JMJD1C: variants seen among roughly 807,000 people sequenced by gnomAD.
JMJD1C encodes jumonji domain containing 1C.
A neutral mutation model predicts 245.3 loss-of-function variants in JMJD1C; 31 were observed. The observed-to-expected ratio is 0.13, with a 90% confidence interval of 0.09 to 0.17. The LOEUF is 0.17. Ranked by LOEUF, JMJD1C falls within the 10% of genes least tolerant of loss-of-function variation. The pLI is 1.00. For synonymous variants in JMJD1C, 1,057 were observed against 1,017.4 expected, an observed-to-expected ratio of 1.04 and a Z score of -0.74; for missense variants, 2,691 against 3,000.2, an observed-to-expected ratio of 0.90 and a Z score of 2.41.
At chr10:63,272,508 C>A (rs1856425802) in intron 2 of JMJD1C, among the ~76,000 whole-genome samples, 1 of 152,198 alleles carries the variant, frequency 6.6e-6, no homozygotes, top group Admixed American at 6.5e-5. Context: ...GCCTCGGCCT[C>A]CCAAAGTTGC....
At chr10:63,448,128 A>G (rs1221488250) in intron 1 of JMJD1C, among the ~76,000 whole-genome samples, 1 of 152,128 alleles carries the variant, frequency 6.6e-6, no homozygotes, top group African/African-American at 2.4e-5. Context: ...TAGTAAAACT[A>G]AACATTTTCC....
intron 1 of JMJD1C, among the ~76,000 whole-genome samples, chr10:63,508,322 G>T (rs1252826342): frequency 1.3e-5 from 2 of 152,118 alleles, no homozygotes; most frequent in African/African-American, 4.8e-5. Flanking sequence ...GGGCTCTATT[G>T]TGTTCCACTG....
At chr10:63,265,726 GAATT>G (rs1855484921) in intron 2 of JMJD1C, among the ~76,000 whole-genome samples, 1 of 152,090 alleles carries the variant, frequency 6.6e-6, no homozygotes. Flanking sequence ...TCGGAAAACA[GAATT>G]AATAATCAAC....
chr10:63,399,319 C>T (rs1410566587), intron 1 of JMJD1C, among the ~76,000 whole-genome samples: 1 of 152,114 alleles, frequency 6.6e-6, no homozygotes, highest in African/African-American at 2.4e-5. Flanking sequence ...TTTCCTGCCC[C>T]AGACCTGAAA....
intron 1 of JMJD1C, among the ~76,000 whole-genome samples, chr10:63,461,705 T>C (rs1488733559): frequency 1.3e-5 from 2 of 152,144 alleles, no homozygotes; most frequent in Non-Finnish European, 2.9e-5. Context: ...TCCTTTTCTC[T>C]ATTGAAAAAA....
chr10:63,414,938 G>GAA (rs11438680), intron 1 of JMJD1C, among the ~76,000 whole-genome samples: 164 of 142,028 alleles, frequency 1.2e-3, no homozygotes, highest in South Asian at 9.7e-3. Context: ...CAACACTAGA[G>GAA]AAAAAAAAAA....
chr10:63,288,625 G>C lies in JMJD1C; in HGVS notation c.334-23861C>G, dbSNP rs189489465. Among the ~76,000 whole-genome samples the C allele has an allele frequency of 1.6e-4, 25 of 152,212 alleles. No individual in the cohort carries two copies. The East Asian group carries it at 3.1e-3, about 19-fold the overall frequency. ...TAAGAATTGGTATATTTCAAGGGCTGAATACAGTGGCTCACACCCGTAATC... is the reference window on the plus strand; with the variant it reads ...TAAGAATTGGTATATTTCAAGGGCTCAATACAGTGGCTCACACCCGTAATC... On this transcript the variant is annotated intron_variant, in intron 2 of 25. Transcript: ENST00000399262.
intron 2 of JMJD1C, chr10:63,268,872 A>G (rs1228820110): frequency 1.0e-6 from 1 of 985,730 alleles, no homozygotes; most frequent in Non-Finnish European, 1.2e-6. Context: ...TAGGAAGAAA[A>G]GCCAAGACCA....
intron 2 of JMJD1C, among the ~76,000 whole-genome samples, chr10:63,295,412 C>T (rs533977922): frequency 6.6e-6 from 1 of 152,126 alleles, no homozygotes; most frequent in East Asian, 1.9e-4. Context: ...ATTTAGAATT[C>T]TGAGGGCAAC....
At chr10:63,376,464 C>T (rs1337912640) in intron 2 of JMJD1C, among the ~76,000 whole-genome samples, 1 of 152,038 alleles carries the variant, frequency 6.6e-6, no homozygotes, top group African/African-American at 2.4e-5. Context: ...GCACGGGCCA[C>T]TGCTAACACA....
In JMJD1C at chr10:63,465,918, A is replaced by C; in HGVS notation, c.-256T>G. On this transcript the variant is annotated 5_prime_UTR_variant, in exon 1 of 26. Transcript: ENST00000399262. ...CACAAGAAAACTGAAACAAAACCCA[A>C]CGCGGCCGTCGAAGACCCCGAGGCA... 6.0e-5 allele frequency: 34 copies of C among 571,010 alleles called. No individual in the cohort carries two copies. The highest frequency in any genetic ancestry group is 1.3e-4 in the East Asian group (4 of 30,098). 35.4% of individuals were successfully genotyped at this position (571,010 alleles called of 1,614,324 possible).
chr10:63,340,256 C>A (rs75446656), intron 2 of JMJD1C, among the ~76,000 whole-genome samples: 4,217 of 152,236 alleles, frequency 0.028, 78 homozygotes, highest in Non-Finnish European at 0.046. Flanking sequence ...ACCCTCTCAG[C>A]CCCCTTTAGC....
At chr10:63,481,519 A>G (rs1019166019) in intron 1 of JMJD1C, among the ~76,000 whole-genome samples, 1 of 152,058 alleles carries the variant, frequency 6.6e-6, no homozygotes, top group African/African-American at 2.4e-5. Context: ...TGTGGCTTTG[A>G]GACTTCACTT....
chr10:63,391,707 T>C (rs1238848507), intron 1 of JMJD1C, among the ~76,000 whole-genome samples: 2 of 152,150 alleles, frequency 1.3e-5, no homozygotes, highest in African/African-American at 2.4e-5. Flanking sequence ...ATCATTAAAA[T>C]GATCATATTG....
At chr10:63,240,878 T>C (rs1851395280) in intron 3 of JMJD1C, among the ~76,000 whole-genome samples, 1 of 152,152 alleles carries the variant, frequency 6.6e-6, no homozygotes, top group African/African-American at 2.4e-5. Context: ...CAGCGGGATA[T>C]CTCCTAAGGA....
chr10:63,203,539 T>A (rs936165750), intron 10 of JMJD1C: 2 of 970,254 alleles, frequency 2.1e-6, no homozygotes, highest in Non-Finnish European at 2.5e-6. Flanking sequence ...ACTGGTTTTG[T>A]ATTGTAGAAT....
chr10:63,197,315 G>T, intron 13 of JMJD1C, 96 bp downstream of exon 13: 1 of 1,042,790 alleles, frequency 9.6e-7, no homozygotes, highest in Non-Finnish European at 1.4e-6. Context: ...CATTAATAAG[G>T]AAAGTAGGAA....
intron 3 of JMJD1C, among the ~76,000 whole-genome samples, chr10:63,229,503 T>G (rs916071722): frequency 5.9e-5 from 9 of 152,172 alleles, no homozygotes; most frequent in Admixed American, 5.2e-4. Context: ...TTCTCATTCA[T>G]ACAATCAAGA....
chr10:63,502,056 G>A (rs1411671277), intron 1 of JMJD1C, among the ~76,000 whole-genome samples: 1 of 152,086 alleles, frequency 6.6e-6, no homozygotes, highest in East Asian at 1.9e-4. Flanking sequence ...TATGCCAAAT[G>A]GCTACCAAGG....
Sources: gnomAD v4.1 joint callset for allele counts (sites outside exome capture counted in the v4.1 genomes callset) on GRCh38, gnomAD v4.1.1 for gene constraint, MANE v1.5 for transcripts, NCBI Gene and HGNC (gene_info 2026-07-23, HGNC 2026-07-21) for gene names.